The following NTM variants were observed in gnomAD, a reference collection of about 807,000 sequenced individuals.
NTM encodes the protein IgLON family member 2.
NTM carries 13 observed loss-of-function variants against 42.1 expected under a neutral mutation model. The observed-to-expected ratio is 0.31, with a 90% CI of 0.20 to 0.49. The LOEUF (loss-of-function observed/expected upper bound fraction) is 0.49. Ranked by LOEUF, NTM falls within the 20% of genes least tolerant of loss-of-function variation. NTM has a pLI of 0.99. For missense variants in NTM, 373 were observed against 452.8 expected (o/e 0.82, Z 1.60); for synonymous variants, 187 against 179.2 (o/e 1.04, Z -0.35).
intron 1 of NTM, among the ~76,000 whole-genome samples, chr11:131,393,666 C>A (rs1274101708): frequency 1.3e-5 from 2 of 152,184 alleles, no homozygotes; most frequent in African/African-American, 4.8e-5. Flanking sequence ...GCGCAAAGAC[C>A]TACCTTTGGC....
intron 1 of NTM, among the ~76,000 whole-genome samples, chr11:131,484,390 C>T (rs1591800051): frequency 6.6e-6 from 1 of 152,102 alleles, no homozygotes; most frequent in East Asian, 1.9e-4. Flanking sequence ...TTTTCAAATG[C>T]AAGTATTGGA....
chr11:131,928,575 T>C (rs1432573225), intron 2 of NTM, among the ~76,000 whole-genome samples: 1 of 151,584 alleles, frequency 6.6e-6, no homozygotes, highest in Non-Finnish European at 1.5e-5. Flanking sequence ...GTCTCCCGTC[T>C]GTGTTTTGTC....
chr11:131,526,550 G>A (rs386795), intron 1 of NTM, among the ~76,000 whole-genome samples: 32,823 of 152,152 alleles, frequency 0.22, 3,816 homozygotes, highest in African/African-American at 0.31. Flanking sequence ...GTAGGTTGTC[G>A]AAATGTCAGC....
intron 3 of NTM, among the ~76,000 whole-genome samples, chr11:132,170,987 A>G (rs1367782005): frequency 2.0e-5 from 3 of 152,198 alleles, no homozygotes; most frequent in African/African-American, 7.2e-5. Context: ...CTTTGTACTC[A>G]GCTCATTAAA....
chr11:131,857,573 T>C (rs2046225173), intron 1 of NTM, among the ~76,000 whole-genome samples: 1 of 152,198 alleles, frequency 6.6e-6, no homozygotes, highest in African/African-American at 2.4e-5. Context: ...CGTCTTTTCC[T>C]GGGGATAGGA....
chr11:132,319,902 ACTC>A (rs2095521412), intron 7 of NTM, among the ~76,000 whole-genome samples: 1 of 152,104 alleles, frequency 6.6e-6, no homozygotes, highest in East Asian at 1.9e-4. Context: ...ACAGCCGGGT[ACTC>A]CTCTGAGACA....
chr11:131,793,745 T>C (rs2091232686), intron 1 of NTM, among the ~76,000 whole-genome samples: 1 of 152,108 alleles, frequency 6.6e-6, no homozygotes, highest in African/African-American at 2.4e-5. Context: ...GCATGCTAGT[T>C]AGAGGTCCTG....
intron 1 of NTM, among the ~76,000 whole-genome samples, chr11:131,418,130 A>G (rs946039663): frequency 6.6e-6 from 1 of 152,220 alleles, no homozygotes; most frequent in African/African-American, 2.4e-5. Flanking sequence ...TTCAGCTAGG[A>G]GGTAGCGAGG....
chr11:131,881,983 A>G (rs778358597), intron 1 of NTM, among the ~76,000 whole-genome samples: 5 of 152,210 alleles, frequency 3.3e-5, no homozygotes, highest in Non-Finnish European at 5.9e-5. Flanking sequence ...CTCTTTGCCT[A>G]ACATCAATTA....
At position 131,924,307 on chromosome 11, in the gene NTM, C is replaced by T. The variant is rs571262564; in HGVS notation, c.167+12659C>T. On this transcript the variant is annotated intron_variant, in intron 2 of 8. Transcript: ENST00000683400. ...TTTTAGTCCTGGCTCTGTCCCAACG[C>T]ATCATGTGGGGCTACTAAGAAAATG... Among the ~76,000 whole-genome samples, 5 of 152,280 alleles carry T rather than the reference C, an allele frequency of 3.3e-5. No homozygotes were observed. The East Asian group carries it at 7.7e-4, about 24-fold the overall frequency.
intron 1 of NTM, among the ~76,000 whole-genome samples, chr11:131,665,390 C>A (rs575791324): frequency 6.6e-6 from 1 of 152,264 alleles, no homozygotes; most frequent in African/African-American, 2.4e-5. Context: ...AGGGTCTTTC[C>A]AAAATTTACA....
intron 1 of NTM, among the ~76,000 whole-genome samples, chr11:131,519,125 G>C (rs370972025): frequency 6.6e-6 from 1 of 152,182 alleles, no homozygotes; most frequent in South Asian, 2.1e-4. Context: ...AATCAGATGC[G>C]CTCTCCTCAG....
rs141054161 is a variant in NTM at position 131,946,431 on chromosome 11, T to C, written c.167+34783T>C. On this transcript the variant is annotated intron_variant, in intron 2 of 8. Transcript: ENST00000683400. ...GTCAAATAGGCCATTTCCTGATCTT[T>C]GCCGCTCTCAAAATAAAAAGAAAAT... Among the ~76,000 whole-genome samples, 993 of 152,312 alleles carry C rather than the reference T, an allele frequency of 6.5e-3. 7 individuals are homozygous for C. Among genetic ancestry groups the C allele is most frequent in the African/African-American group, 0.023 (956 of 41,562 alleles).
chr11:131,492,638 A>G (rs1252071925), intron 1 of NTM, among the ~76,000 whole-genome samples: 1 of 152,156 alleles, frequency 6.6e-6, no homozygotes, highest in Non-Finnish European at 1.5e-5. Flanking sequence ...GGAACAGAAG[A>G]TGGATTCAAC....
At chr11:131,425,922 C>G in intron 1 of NTM, among the ~76,000 whole-genome samples, 1 of 151,962 alleles carries the variant, frequency 6.6e-6, no homozygotes, top group East Asian at 1.9e-4. Context: ...TTGAGGAAGA[C>G]AGTAAAATAG....
chr11:131,881,664 G>C (rs1400026209), intron 1 of NTM, among the ~76,000 whole-genome samples: 1 of 152,184 alleles, frequency 6.6e-6, no homozygotes, highest in Non-Finnish European at 1.5e-5. Flanking sequence ...ATTTAGAAGA[G>C]AGAAAGATAT....
intron 1 of NTM, among the ~76,000 whole-genome samples, chr11:131,645,272 G>A (rs1195936834): frequency 6.6e-6 from 1 of 152,172 alleles, no homozygotes; most frequent in Non-Finnish European, 1.5e-5. Flanking sequence ...AATCGTATGA[G>A]GCTGCTGCTT....
intron 1 of NTM, among the ~76,000 whole-genome samples, chr11:131,643,688 C>T (rs2065418941): frequency 6.6e-6 from 1 of 152,176 alleles, no homozygotes; most frequent in African/African-American, 2.4e-5. Flanking sequence ...AAAAAATACG[C>T]ATTGACTTCC....
At chr11:131,682,883 A>G (rs1592532857) in intron 1 of NTM, among the ~76,000 whole-genome samples, 1 of 149,602 alleles carries the variant, frequency 6.7e-6, no homozygotes, top group South Asian at 2.1e-4. Flanking sequence ...TTGCGCCCAC[A>G]CTCCCTCTGC....
Sources: gnomAD v4.1 joint callset for allele counts (sites outside exome capture counted in the v4.1 genomes callset) on GRCh38, gnomAD v4.1.1 for gene constraint, MANE v1.5 for transcripts, NCBI Gene and HGNC (gene_info 2026-07-23, HGNC 2026-07-21) for gene names.